Variants in ACAN observed in about 807,000 individuals in gnomAD.
The protein encoded by ACAN is aggrecan core protein.
A neutral mutation model predicts 169.1 loss-of-function variants in ACAN; 47 were observed. That is an observed-to-expected ratio of 0.28 (90% CI 0.22 to 0.35). The LOEUF is 0.35. ACAN is among the 10% of genes least tolerant of loss of function. The probability of loss-of-function intolerance (pLI) is 1.00; values close to 1 mark genes in which losing one functional copy is unlikely to be tolerated. For missense variants in ACAN, 2,716 were observed against 2,759.9 expected (o/e 0.98, Z 0.36); for synonymous variants, 1,115 against 1,112.2 (o/e 1.00, Z -0.05).
chr15:88,871,373 G>T lies in ACAN; in HGVS notation c.7061-9G>T, dbSNP rs1426194741. On this transcript the variant is annotated splice_polypyrimidine_tract_variant and intron_variant, in intron 14 of 18. Transcript: ENST00000560601. This position sits in a 1 kb window ranked among gnomAD's most constrained non-coding sequence, Gnocchi z 7.8. ...GCCCCTCCCTTCAAGCCCCTGACCT[G>T]TGTTGCAGACCAGGAGGTATGTGAG... 6.2e-7 allele frequency: 1 copy of T among 1,613,786 alleles called. No individual in the cohort carries two copies.
In ACAN at chr15:88,851,338, G is replaced by C. The variant is rs190560998; in HGVS notation, c.2027-456G>C. On this transcript the variant is annotated intron_variant, in intron 10 of 18. Coordinates refer to ENST00000560601, the MANE Select transcript of ACAN (RefSeq NM_001369268.1). This position sits in a 1 kb window ranked among gnomAD's most constrained non-coding sequence, Gnocchi z 4.3. The stretch of plus-strand genomic sequence containing the variant: ...TGGAACATAATCCCTGTCCCCCAAG[G>C]TTGTTCAGTAGTTGAGAGCGTGGAG... 1.3e-5 allele frequency: 2 copies of C among 156,772 alleles called. No individual in the cohort carries two copies. The highest frequency in any genetic ancestry group is 4.8e-5 in the African/African-American group (2 of 41,502). The allele number at this position is 156,772 out of a possible 1,614,324, so 9.7% of individuals were successfully genotyped here. A position where few individuals can be genotyped will look rare whatever the true frequency, so the allele number is the denominator to read the frequency against.
rs1896715116 is a variant in ACAN, at chr15:88,843,436, T to C, written c.839T>C (p.Leu280Pro). The change falls in exon 6 of 19, where the codon CTG becomes CCG. Residue 280 changes from leucine to proline, a missense_variant. Physicochemically the swap from Leu to Pro is moderately conservative, Grantham distance 98. Around this residue, in one of 3 missense-constraint regions of ACAN, gnomAD observed 1,283 missense variants for 1,281.5 expected, o/e 1.00. Transcript: ENST00000560601. The surrounding 1 kb of genome is among the most constrained non-coding windows in gnomAD (Gnocchi z 4.0). ...GAGTGCCGGCGGCTGGGTGCCCGGC[T>C]GGCCACCACGGGCCAGCTCTACCTG... ...ANECRRLGARLATTGQLYLAW... is the reference protein window; with the variant it reads ...ANECRRLGARPATTGQLYLAW... 6.2e-7 allele frequency: 1 copy of C among 1,608,330 alleles called. No individual in the cohort carries two copies. Among genetic ancestry groups the C allele is most frequent in the Admixed American group, 1.7e-5 (1 of 59,798 alleles).
At chr15:88,864,151 TG>T (rs1596151857) in intron 13 of ACAN, among the ~76,000 whole-genome samples, 1 of 152,210 alleles carries the variant, frequency 6.6e-6, no homozygotes, top group Admixed American at 6.5e-5. Flanking sequence ...CATTCCAGCC[TG>T]GGTGACAGAG....
chr15:88,828,638 TGAG>T (rs1050274739), intron 1 of ACAN, among the ~76,000 whole-genome samples: 7 of 152,130 alleles, frequency 4.6e-5, no homozygotes, highest in Non-Finnish European at 8.8e-5. Context: ...CAGCAAGCAA[TGAG>T]CAGGTCCCTG....
In ACAN at chr15:88,838,724, G is replaced by A. The variant is rs1221534302; in HGVS notation, c.132G>A (p.Gly44=). The change falls in exon 3 of 19, where the codon GGG becomes GGA. Residue 44 remains glycine, a synonymous_variant. Coordinates refer to ENST00000560601, the MANE Select transcript of ACAN (RefSeq NM_001369268.1). The surrounding 1 kb of genome is among the most constrained non-coding windows in gnomAD (Gnocchi z 5.1). ...PQPSPLRVLL[G]TSLTIPCYFI... ...CGTCCCCGCTGAGGGTCCTCCTGGG[G>A]ACCTCCCTCACCATCCCCTGCTATT... is the stretch of plus-strand genomic sequence containing the variant. 4 of 1,611,434 alleles carry A rather than the reference G, an allele frequency of 2.5e-6. No homozygotes were observed. The highest frequency in any genetic ancestry group is 1.3e-5 in the African/African-American group (1 of 74,872).
chr15:88,847,049 C>T (rs1306806295), intron 7 of ACAN, among the ~76,000 whole-genome samples, 194 bp from the exon 8 acceptor site: 2 of 152,234 alleles, frequency 1.3e-5, no homozygotes, highest in African/African-American at 2.4e-5. Flanking sequence ...GGGGTTCCCA[C>T]GCAGGGGAGG....
At position 88,839,812 on chromosome 15, in the gene ACAN, G is replaced by A. The variant is rs1211115819; in HGVS notation, c.455-200G>A. On this transcript the variant is annotated intron_variant, in intron 3 of 18. Coordinates refer to ENST00000560601, the MANE Select transcript of ACAN (RefSeq NM_001369268.1). This position sits in a 1 kb window ranked among gnomAD's most constrained non-coding sequence, Gnocchi z 4.5. Reference sequence around the variant, plus strand: ...TCTTTAAAAAGGAATGCCTTATAAAGTAGTGAGCTCCCCATTACAGGGTGT... The same window carrying A: ...TCTTTAAAAAGGAATGCCTTATAAAATAGTGAGCTCCCCATTACAGGGTGT... Among the ~76,000 whole-genome samples, 1 of 152,224 alleles carries A rather than the reference G, an allele frequency of 6.6e-6. No homozygotes were observed.
chr15:88,860,191 G>C (rs1897165541), intron 12 of ACAN, 135 bp from the exon 13 acceptor site: 1 of 554,012 alleles, frequency 1.8e-6, no homozygotes, highest in Non-Finnish European at 3.2e-6. Context: ...GAGGGACAGA[G>C]GCCTCAGAAA....
At position 88,807,863 on chromosome 15, in the gene ACAN, T is replaced by A. The variant is rs537957977; in HGVS notation, c.-8+4054T>A. On this transcript the variant is annotated intron_variant, in intron 1 of 18. Transcript: ENST00000560601. The surrounding 1 kb of genome is among the most constrained non-coding windows in gnomAD (Gnocchi z 4.0). ...TCTCTCCCTCTCAATGGCCTTACAG[T>A]GTATCCTAAAGAAGCTTTTTGTTAA... is the stretch of plus-strand genomic sequence containing the variant. Among the ~76,000 whole-genome samples, 8 of 151,814 alleles carry A rather than the reference T, an allele frequency of 5.3e-5. No homozygotes were observed. The South Asian group carries it at 1.7e-3, about 32-fold the overall frequency.
At chr15:88,822,415 C>G (rs1174091111) in intron 1 of ACAN, among the ~76,000 whole-genome samples, 1 of 152,086 alleles carries the variant, frequency 6.6e-6, no homozygotes, top group Non-Finnish European at 1.5e-5. Flanking sequence ...AGAACTGTGT[C>G]CATAGCTTCC....
Position 88,848,057 on chromosome 15 carries a change from C to A in ACAN, c.1732+19C>A, listed in dbSNP as rs1455894450. On this transcript the variant is annotated intron_variant, in intron 9 of 18. Coordinates refer to ENST00000560601, the MANE Select transcript of ACAN (RefSeq NM_001369268.1). ...CTTGAGGGTACAAGCCACATTCTCA[C>A]ATTTCGGGCCCTAGATGGGCAGGGG... 6.2e-7 allele frequency: 1 copy of A among 1,611,378 alleles called. No homozygotes were observed. Among genetic ancestry groups the A allele is most frequent in the Admixed American group, 1.7e-5 (1 of 59,940 alleles).
intron 1 of ACAN, among the ~76,000 whole-genome samples, chr15:88,815,499 C>T (rs925722767): frequency 6.8e-6 from 1 of 147,682 alleles, no homozygotes; most frequent in African/African-American, 2.5e-5. Context: ...GAGGAGGTTA[C>T]AGTGAACTGA....
intron 13 of ACAN, among the ~76,000 whole-genome samples, chr15:88,862,796 G>A (rs766204404): frequency 2.6e-5 from 4 of 152,088 alleles, no homozygotes; most frequent in African/African-American, 7.2e-5. Context: ...TCAGGAGTTC[G>A]AAACCAGCCT....
rs1227136206 is a variant in ACAN at position 88,869,192 on chromosome 15, G to C, written c.7060+863G>C. Among the ~76,000 whole-genome samples, 2 of 152,186 alleles carry C rather than the reference G, an allele frequency of 1.3e-5. No individual in the cohort carries two copies. The highest frequency in any genetic ancestry group is 4.8e-5 in the African/African-American group (2 of 41,446). On this transcript the variant is annotated intron_variant, in intron 14 of 18. Transcript: ENST00000560601. This position sits in a 1 kb window ranked among gnomAD's most constrained non-coding sequence, Gnocchi z 4.2. ...CGGGGATTTCCCAGCTCAGAAAAGG[G>C]GAGATGAGACCTTTGGATACTTGTC... is the stretch of plus-strand genomic sequence containing the variant.
intron 1 of ACAN, among the ~76,000 whole-genome samples, chr15:88,823,566 T>C (rs916621450): frequency 1.3e-5 from 2 of 152,122 alleles, no homozygotes; most frequent in Non-Finnish European, 2.9e-5. Context: ...GTAAGAATCG[T>C]GGGAAAAGGC....
chr15:88,857,938 C>G lies in ACAN; in HGVS notation c.5353C>G (p.Leu1785Val), dbSNP rs139182220. 8 of 1,613,794 alleles carry G rather than the reference C, an allele frequency of 5.0e-6. No individual in the cohort carries two copies. The East Asian group carries it at 8.9e-5, about 18-fold the overall frequency. The change falls in exon 12 of 19, where the codon CTG becomes GTG. Residue 1785 changes from leucine (L) to valine (V), a missense_variant. Around this residue, in one of 3 missense-constraint regions of ACAN, gnomAD observed 1,389 missense variants for 1,363.7 expected, o/e 1.02. Coordinates refer to ENST00000560601, the MANE Select transcript of ACAN (RefSeq NM_001369268.1). ...GTSQPFGITD[L>V]SGETSGVPDL... ...TAGTCAACCCTTTGGCATAACTGATCTGAGTGGAGAAACATCTGGGGTCCC... is the reference window on the plus strand; with the variant it reads ...TAGTCAACCCTTTGGCATAACTGATGTGAGTGGAGAAACATCTGGGGTCCC...
chr15:88,820,530 C>A (rs1896050443), intron 1 of ACAN, among the ~76,000 whole-genome samples: 1 of 152,140 alleles, frequency 6.6e-6, no homozygotes, highest in African/African-American at 2.4e-5. Context: ...AATGCTACAC[C>A]ACTTGGACCT....
intron 1 of ACAN, among the ~76,000 whole-genome samples, chr15:88,830,041 G>A (rs1470375845): frequency 1.3e-5 from 2 of 152,110 alleles, no homozygotes; most frequent in African/African-American, 2.4e-5. Context: ...GAGGAGGCCT[G>A]CAGGATCTGG....
intron 1 of ACAN, among the ~76,000 whole-genome samples, chr15:88,819,851 G>C (rs969448356): frequency 1.3e-5 from 2 of 152,034 alleles, no homozygotes; most frequent in Non-Finnish European, 2.9e-5. Flanking sequence ...ACCTCCAAGG[G>C]GTACTATCTT....
Sources: gnomAD v4.1 joint callset for allele counts (sites outside exome capture counted in the v4.1 genomes callset) on GRCh38, gnomAD v4.1.1 for gene constraint, gnomAD v4.1.1 regional missense constraint, Gnocchi (gnomAD v3.1) non-coding constraint, MANE v1.5 for transcripts, NCBI Gene and HGNC (gene_info 2026-07-23, HGNC 2026-07-21) for gene names.